ASH1L: variants seen among roughly 807,000 people sequenced by gnomAD.
ASH1L encodes the protein histone-lysine N-methyltransferase ASH1L.
ASH1L carries 23 observed loss-of-function variants against 269.0 expected under a neutral mutation model. The ratio of observed to expected loss-of-function variants is 0.09; its 90% CI spans 0.06 to 0.12. The LOEUF (loss-of-function observed/expected upper bound fraction) is 0.12, where lower values mean the gene tolerates loss of function less well. ASH1L is among the 10% of genes least tolerant of loss of function. ASH1L has a pLI of 1.00. For missense variants in ASH1L, 2,912 were observed against 3,567.8 expected, an observed-to-expected ratio of 0.82 and a Z score of 4.68; for synonymous variants, 1,187 against 1,253.5, an observed-to-expected ratio of 0.95 and a Z score of 1.12.
chr1:155,388,772 T>C (rs547765988), intron 7 of ASH1L, among the ~76,000 whole-genome samples: 40 of 146,708 alleles, frequency 2.7e-4, no homozygotes, highest in Non-Finnish European at 3.9e-4. Flanking sequence ...CAGGCTGGAG[T>C]GCGCTGGTGC....
At chr1:155,448,003 T>G (rs985419124) in intron 4 of ASH1L, among the ~76,000 whole-genome samples, 3 of 152,232 alleles carry the variant, frequency 2.0e-5, no homozygotes, top group African/African-American at 4.8e-5. Flanking sequence ...GATCTTAGAT[T>G]TAAGCCTTTC....
intron 26 of ASH1L, 93 bp from the exon 27 acceptor site, chr1:155,338,483 G>T: frequency 2.5e-6 from 3 of 1,187,216 alleles, no homozygotes; most frequent in Non-Finnish European, 3.6e-6. Flanking sequence ...AGATCCTGGA[G>T]TCCAGCAGTT....
chr1:155,371,523 G>C (rs576540383), intron 10 of ASH1L, among the ~76,000 whole-genome samples: 128 of 152,132 alleles, frequency 8.4e-4, no homozygotes, highest in African/African-American at 2.9e-3. Context: ...GCTCCAGCCT[G>C]GGCGACAGAG....
At chr1:155,523,464 C>T (rs1669023856) in intron 1 of ASH1L, among the ~76,000 whole-genome samples, 1 of 152,172 alleles carries the variant, frequency 6.6e-6, no homozygotes, top group Non-Finnish European at 1.5e-5. Flanking sequence ...TGCACTCCAA[C>T]CTGGGCAACA....
chr1:155,389,480 C>T (rs948644116), intron 7 of ASH1L, among the ~76,000 whole-genome samples: 2 of 151,876 alleles, frequency 1.3e-5, no homozygotes, highest in African/African-American at 4.8e-5. Flanking sequence ...TGAGACCAGC[C>T]TGGGCAACAT....
Position 155,562,709 on chromosome 1 carries a change from C to T in ASH1L, c.-656G>A, listed in dbSNP as rs1672113349. On this transcript the variant is annotated 5_prime_UTR_variant, in exon 1 of 28. Coordinates refer to ENST00000392403, the MANE Select transcript of ASH1L (RefSeq NM_018489.3). ...CCCGTACGCGCTCACCCACAGGAACCCCCTCGTCCAGTCCCTCACTACCCC... is the reference window on the plus strand; with the variant it reads ...CCCGTACGCGCTCACCCACAGGAACTCCCTCGTCCAGTCCCTCACTACCCC... The T allele has an allele frequency of 1.4e-6, 2 of 1,474,138 alleles. No homozygotes were observed. The highest frequency in any genetic ancestry group is 2.5e-5 in the East Asian group (1 of 40,158). 91.3% of individuals were successfully genotyped at this position (1,474,138 alleles called of 1,614,324 possible).
In ASH1L at chr1:155,348,470, T is replaced by C. The variant is rs534815366; in HGVS notation, c.7555-566A>G. ...AAAATTACTGAATAATTTCCTCTCT[T>C]CTATGCACCATACAATAGTCCATCC... On this transcript the variant is annotated intron_variant, in intron 19 of 27. Coordinates refer to ENST00000392403, the MANE Select transcript of ASH1L (RefSeq NM_018489.3). Among the ~76,000 whole-genome samples, 4 of 152,194 alleles carry C rather than the reference T, an allele frequency of 2.6e-5. No individual in the cohort carries two copies. In the East Asian group the frequency reaches 5.8e-4, roughly 22 times the overall value.
chr1:155,417,153 T>C (rs1006497891), intron 5 of ASH1L, among the ~76,000 whole-genome samples: 1 of 151,544 alleles, frequency 6.6e-6, no homozygotes, highest in African/African-American at 2.4e-5. Context: ...CAGGATGGTC[T>C]TGAACTCCTG....
At position 155,343,192 on chromosome 1, in the gene ASH1L, G is replaced by T; in HGVS notation, c.8293+122C>A. 1.8e-6 allele frequency: 2 copies of T among 1,089,266 alleles called. No individual in the cohort carries two copies. Among genetic ancestry groups the T allele is most frequent in the Non-Finnish European group, 2.6e-6 (2 of 760,206 alleles). 67.5% of individuals were successfully genotyped at this position (1,089,266 alleles called of 1,614,324 possible). A position where few individuals can be genotyped will look rare whatever the true frequency, so the allele number is the denominator to read the frequency against. Reference sequence around the variant, plus strand: ...GGCAGAGTTTTGCCACGTTGGCCAGGCTGGTCTCACACTCCTGGGCTTAAG... The same window carrying T: ...GGCAGAGTTTTGCCACGTTGGCCAGTCTGGTCTCACACTCCTGGGCTTAAG... On this transcript the variant is annotated intron_variant, in intron 24 of 27. Coordinates refer to ENST00000392403, the MANE Select transcript of ASH1L (RefSeq NM_018489.3). The surrounding 1 kb of genome is among the most constrained non-coding windows in gnomAD (Gnocchi z 6.1).
intron 5 of ASH1L, chr1:155,434,132 C>A: frequency 6.3e-7 from 1 of 1,594,702 alleles, no homozygotes; most frequent in Non-Finnish European, 8.5e-7. Context: ...GGCCCCAGGG[C>A]CCCATTTTGG....
intron 2 of ASH1L, among the ~76,000 whole-genome samples, chr1:155,485,124 C>T (rs1164905351): frequency 2.0e-5 from 3 of 150,976 alleles, no homozygotes; most frequent in Non-Finnish European, 4.4e-5. Flanking sequence ...GGCATGGTGG[C>T]GCATGCCTGT....
chr1:155,496,694 A>G (rs1230272594), intron 2 of ASH1L, among the ~76,000 whole-genome samples: 1 of 152,084 alleles, frequency 6.6e-6, no homozygotes, highest in East Asian at 1.9e-4. Flanking sequence ...GCTGGAGTTC[A>G]GTGGCAAGAA....
chr1:155,422,733 C>G (rs1660806043), intron 5 of ASH1L, among the ~76,000 whole-genome samples: 1 of 151,128 alleles, frequency 6.6e-6, no homozygotes, highest in African/African-American at 2.4e-5. Flanking sequence ...ACTGCAGCCT[C>G]CACCTCCTGG....
chr1:155,441,441 T>C (rs1297577083), intron 4 of ASH1L, among the ~76,000 whole-genome samples: 2 of 147,526 alleles, frequency 1.4e-5, no homozygotes, highest in Non-Finnish European at 3.0e-5. Context: ...ACCAGATATT[T>C]GAATAAAGAA....
intron 12 of ASH1L, among the ~76,000 whole-genome samples, chr1:155,368,443 T>C (rs1446557759): frequency 6.6e-6 from 1 of 152,074 alleles, no homozygotes; most frequent in African/African-American, 2.4e-5. Flanking sequence ...TGGAAAGGTA[T>C]GTTTTTCTTT....
chr1:155,408,091 C>T (rs1397082397), intron 6 of ASH1L, among the ~76,000 whole-genome samples: 1 of 152,162 alleles, frequency 6.6e-6, no homozygotes, highest in East Asian at 1.9e-4. Context: ...CTTGAAGAAG[C>T]AAGCCACCAA....
chr1:155,523,688 A>T (rs563927015), intron 1 of ASH1L, among the ~76,000 whole-genome samples: 10 of 152,134 alleles, frequency 6.6e-5, no homozygotes, highest in East Asian at 1.9e-4. Flanking sequence ...CCTGGTCAAC[A>T]TGTCGAAACC....
chr1:155,405,248 A>AG lies in ASH1L; in HGVS notation c.6009-9696dup, dbSNP rs144076189. 2.7e-3 allele frequency among the ~76,000 whole-genome samples: 398 copies of AG among 148,922 alleles called. 3 individuals are homozygous for AG. The highest frequency in any genetic ancestry group is 0.021 in the Middle Eastern group (6 of 286). On this transcript the variant is annotated intron_variant, in intron 6 of 27. Transcript: ENST00000392403. ...GTAATCCCAGCACTTTAGGGGGCTG[A>AG]GGGGGGGGCAGATCACTTGAGGTCA...
At chr1:155,426,730 G>A (rs1661188652) in intron 5 of ASH1L, among the ~76,000 whole-genome samples, 1 of 151,786 alleles carries the variant, frequency 6.6e-6, no homozygotes, top group Admixed American at 6.6e-5. Flanking sequence ...ACTATTTCTA[G>A]GCTACACCTA....
Sources: gnomAD v4.1 joint callset for allele counts (sites outside exome capture counted in the v4.1 genomes callset) on GRCh38, gnomAD v4.1.1 for gene constraint, Gnocchi (gnomAD v3.1) non-coding constraint, MANE v1.5 for transcripts, NCBI Gene and HGNC (gene_info 2026-07-23, HGNC 2026-07-21) for gene names.